FAM107B: variants seen among roughly 807,000 people sequenced by gnomAD.
The protein encoded by FAM107B is protein FAM107B.
FAM107B carries 21 observed loss-of-function variants against 31.5 expected under a neutral mutation model. The observed-to-expected ratio is 0.67, with a 90% CI of 0.47 to 0.96. The LOEUF (loss-of-function observed/expected upper bound fraction) is 0.96. Ranked by LOEUF, FAM107B falls within the 40% of genes least tolerant of loss-of-function variation. The pLI is 0.00. For missense variants in FAM107B, 452 were observed against 377.1 expected (o/e 1.20, Z -1.64); for synonymous variants, 157 against 141.5 (o/e 1.11, Z -0.78).
chr10:14,754,041 C>T (rs761005138), intron 1 of FAM107B, among the ~76,000 whole-genome samples: 2 of 151,264 alleles, frequency 1.3e-5, no homozygotes, highest in African/African-American at 2.4e-5. Context: ...TGGGTTCAAG[C>T]GATTCTCCCC....
intron 2 of FAM107B, among the ~76,000 whole-genome samples, chr10:14,613,127 A>G (rs1852765753): frequency 6.6e-6 from 1 of 152,058 alleles, no homozygotes; most frequent in African/African-American, 2.4e-5. Flanking sequence ...GTGCACCGCC[A>G]TGGCCGGTTA....
At chr10:14,626,963 T>A (rs536226700) in intron 2 of FAM107B, among the ~76,000 whole-genome samples, 2 of 152,304 alleles carry the variant, frequency 1.3e-5, no homozygotes, top group Non-Finnish European at 2.9e-5. Flanking sequence ...TCCTCATTTA[T>A]TATCTGGATT....
At chr10:14,591,439 T>C (rs1399289663) in intron 2 of FAM107B, among the ~76,000 whole-genome samples, 2 of 152,214 alleles carry the variant, frequency 1.3e-5, no homozygotes, top group Non-Finnish European at 2.9e-5. Flanking sequence ...AAGCCAATCT[T>C]TGCTTTTTTC....
intron 1 of FAM107B, among the ~76,000 whole-genome samples, chr10:14,683,162 T>G (rs1057437268): frequency 2.0e-5 from 3 of 152,246 alleles, no homozygotes; most frequent in Non-Finnish European, 2.9e-5. Flanking sequence ...AGCAATATCA[T>G]GCTGCCTTCC....
chr10:14,632,411 A>C (rs1228498131), intron 2 of FAM107B, among the ~76,000 whole-genome samples: 1 of 151,638 alleles, frequency 6.6e-6, no homozygotes, highest in Non-Finnish European at 1.5e-5. Context: ...GGAGATCGAG[A>C]CCATCCTGAT....
chr10:14,603,472 T>C (rs1372160231), intron 2 of FAM107B, among the ~76,000 whole-genome samples: 4 of 152,226 alleles, frequency 2.6e-5, no homozygotes, highest in Admixed American at 6.5e-5. Context: ...GCTTGGTACC[T>C]TGCAGCAGAG....
Position 14,607,771 on chromosome 10 carries a change from C to T in FAM107B, c.469+59863G>A, listed in dbSNP as rs149995769. On this transcript the variant is annotated intron_variant, in intron 2 of 4. Coordinates refer to ENST00000181796, the MANE Select transcript of FAM107B (RefSeq NM_031453.4). ...GGTCTTTACTGATTTGCTTTCAATA[C>T]AAATACTGATTTCCCTTACATTACA... Among the ~76,000 whole-genome samples, 187 of 152,294 alleles carry T rather than the reference C, an allele frequency of 1.2e-3. 1 individual carries two copies. Among genetic ancestry groups the T allele is most frequent in the African/African-American group, 4.2e-3 (175 of 41,554 alleles).
intron 1 of FAM107B, among the ~76,000 whole-genome samples, chr10:14,755,035 G>A (rs1046217223): frequency 3.9e-5 from 6 of 152,132 alleles, no homozygotes; most frequent in Non-Finnish European, 8.8e-5. Flanking sequence ...TGCTTTAATG[G>A]CAGTTTAATT....
intron 2 of FAM107B, among the ~76,000 whole-genome samples, chr10:14,537,165 G>A (rs570840363): frequency 2.0e-5 from 3 of 152,220 alleles, no homozygotes; most frequent in Admixed American, 2.0e-4. Context: ...CTTTCCTTAG[G>A]ACAGCCAGAG....
intron 2 of FAM107B, among the ~76,000 whole-genome samples, chr10:14,616,998 A>G (rs1293697160): frequency 6.6e-6 from 1 of 152,090 alleles, no homozygotes; most frequent in African/African-American, 2.4e-5. Flanking sequence ...AGGTGGGTGA[A>G]TAAGAGAAGG....
intron 2 of FAM107B, among the ~76,000 whole-genome samples, chr10:14,613,085 C>T (rs923999464): frequency 6.6e-6 from 1 of 152,116 alleles, no homozygotes. Context: ...AATTCTCCTG[C>T]CTCAGCCCCG....
chr10:14,570,828 A>G (rs1395699670), intron 2 of FAM107B, among the ~76,000 whole-genome samples: 4 of 149,584 alleles, frequency 2.7e-5, no homozygotes, highest in African/African-American at 9.8e-5. Context: ...AATTAAACTC[A>G]GCACATATCA....
intron 1 of FAM107B, among the ~76,000 whole-genome samples, chr10:14,733,495 A>G (rs1856222019): frequency 6.6e-6 from 1 of 152,230 alleles, no homozygotes; most frequent in South Asian, 2.1e-4. Flanking sequence ...TCCTAAATGA[A>G]GGGTAGAGTG....
chr10:14,695,485 T>C (rs532252593), intron 1 of FAM107B, among the ~76,000 whole-genome samples: 1 of 152,306 alleles, frequency 6.6e-6, no homozygotes, highest in African/African-American at 2.4e-5. Context: ...CATTTGTGTT[T>C]CCATATGAAT....
chr10:14,522,096 A>AATATCAAC, intron 3 of FAM107B, 77 bp from the exon 4 acceptor site: 1 of 1,533,952 alleles, frequency 6.5e-7, no homozygotes, highest in Non-Finnish European at 8.7e-7. Context: ...TTTAACTTAC[A>AATATCAAC]ATATCAACCA....
At chr10:14,577,416 A>G (rs1234294530) in intron 2 of FAM107B, among the ~76,000 whole-genome samples, 1 of 152,264 alleles carries the variant, frequency 6.6e-6, no homozygotes. Context: ...ACGGAAAGAA[A>G]ACAGCTTCAC....
intron 1 of FAM107B, among the ~76,000 whole-genome samples, chr10:14,695,798 A>C (rs916876186): frequency 6.6e-6 from 1 of 152,208 alleles, no homozygotes; most frequent in African/African-American, 2.4e-5. Flanking sequence ...ATTTATAGAA[A>C]TGCTACTGGT....
At chr10:14,683,652 A>C (rs1392879878) in intron 1 of FAM107B, among the ~76,000 whole-genome samples, 1 of 152,372 alleles carries the variant, frequency 6.6e-6, no homozygotes, top group East Asian at 1.9e-4. Context: ...CATTAGAAAT[A>C]TCATATGGAG....
chr10:14,523,295 G>T (rs528312502), intron 3 of FAM107B, among the ~76,000 whole-genome samples: 1 of 151,778 alleles, frequency 6.6e-6, no homozygotes, highest in Non-Finnish European at 1.5e-5. Flanking sequence ...TCAACTTGAT[G>T]TTAAAATTTA....
Sources: gnomAD v4.1 joint callset for allele counts (sites outside exome capture counted in the v4.1 genomes callset) on GRCh38, gnomAD v4.1.1 for gene constraint, MANE v1.5 for transcripts, NCBI Gene and HGNC (gene_info 2026-07-23, HGNC 2026-07-21) for gene names.